IL1RAPL1: variants seen among roughly 807,000 people sequenced by gnomAD.
IL1RAPL1 encodes interleukin-1 receptor accessory protein-like 1.
In IL1RAPL1, 3 loss-of-function variants were observed where a neutral mutation model predicts 48.4. The observed-to-expected ratio is 0.06, with a 90% CI of 0.03 to 0.16. The LOEUF (loss-of-function observed/expected upper bound fraction) is 0.16, where lower values mean the gene tolerates loss of function less well. IL1RAPL1 is among the 10% of genes least tolerant of loss of function. IL1RAPL1 has a pLI of 1.00. For synonymous variants in IL1RAPL1, 185 were observed against 187.7 expected, an observed-to-expected ratio of 0.99 and a Z score of 0.12; for missense variants, 349 against 530.6, an observed-to-expected ratio of 0.66 and a Z score of 3.36.
intron 1 of IL1RAPL1, among the ~76,000 whole-genome samples, chrX:28,649,390 C>T (rs552372768): frequency 3.6e-5 from 4 of 111,808 alleles, no homozygotes; most frequent in South Asian, 3.7e-4. Context: ...GTCCAGAAAA[C>T]GAGAACAAAA....
intron 6 of IL1RAPL1, among the ~76,000 whole-genome samples, chrX:29,708,009 A>G (rs952552939): frequency 9.0e-6 from 1 of 111,276 alleles, no homozygotes; most frequent in Admixed American, 9.6e-5. Flanking sequence ...TTTCCCAGTT[A>G]CAAATATACT....
intron 2 of IL1RAPL1, among the ~76,000 whole-genome samples, chrX:29,203,424 A>G (rs1930596209): frequency 9.0e-6 from 1 of 110,741 alleles, no homozygotes; most frequent in Non-Finnish European, 1.9e-5. Flanking sequence ...AATTCTTTCA[A>G]GCTGTTTTGA....
intron 2 of IL1RAPL1, among the ~76,000 whole-genome samples, chrX:28,882,110 C>A (rs1922515884): frequency 9.1e-6 from 1 of 109,827 alleles, no homozygotes; most frequent in African/African-American, 3.3e-5. Context: ...AAGTCAGGTA[C>A]AAAGAGAGAA....
intron 1 of IL1RAPL1, among the ~76,000 whole-genome samples, chrX:28,636,300 A>G (rs758609944): frequency 5.4e-4 from 60 of 112,039 alleles, no homozygotes; most frequent in African/African-American, 1.8e-3. Context: ...GCCTACTATA[A>G]TTCCAGGCAG....
chrX:29,322,354 C>T (rs1253032607), intron 3 of IL1RAPL1, among the ~76,000 whole-genome samples: 4 of 109,966 alleles, frequency 3.6e-5, no homozygotes, highest in African/African-American at 1.3e-4. Context: ...GCAACCTCTG[C>T]CTCCTGGGTT....
chrX:29,820,170 A>T (rs1930581998), intron 6 of IL1RAPL1, among the ~76,000 whole-genome samples: 2 of 108,323 alleles, frequency 1.8e-5, no homozygotes. Flanking sequence ...TGCATGTATA[A>T]ATATAATATA....
intron 2 of IL1RAPL1, among the ~76,000 whole-genome samples, chrX:28,912,658 G>C: frequency 9.0e-6 from 1 of 111,010 alleles, no homozygotes; most frequent in South Asian, 3.8e-4. Context: ...GAGGAACTTT[G>C]AGATGAGGAT....
At chrX:29,678,342 CTTTTTTTTTTTTTTTT>C (rs140827802) in intron 6 of IL1RAPL1, among the ~76,000 whole-genome samples, 2 of 41,728 alleles carry the variant, frequency 4.8e-5, no homozygotes, top group Admixed American at 3.0e-4. Flanking sequence ...TTCAACACTA[CTTTTTTTTTTTTTTTT>C]TTTTTTTTTT....
intron 2 of IL1RAPL1, among the ~76,000 whole-genome samples, chrX:29,245,535 A>G (rs1208358115): frequency 1.8e-5 from 2 of 111,895 alleles, no homozygotes; most frequent in Non-Finnish European, 3.8e-5. Context: ...AGTGATGATG[A>G]GCTTTTTTTC....
intron 1 of IL1RAPL1, among the ~76,000 whole-genome samples, chrX:28,742,385 T>G (rs1400028179): frequency 1.8e-5 from 2 of 111,792 alleles, no homozygotes; most frequent in Non-Finnish European, 3.8e-5. Flanking sequence ...TTTGAGTACC[T>G]GCATATGTTA....
chrX:29,816,600 AGAATCTGGT>A (rs1432203814), intron 6 of IL1RAPL1, among the ~76,000 whole-genome samples: 1 of 111,022 alleles, frequency 9.0e-6, no homozygotes, highest in East Asian at 2.8e-4. Context: ...TTCTGACACC[AGAATCTGGT>A]GAAGACACAA....
At chrX:29,803,659 A>G (rs1423669749) in intron 6 of IL1RAPL1, among the ~76,000 whole-genome samples, 1 of 104,672 alleles carries the variant, frequency 9.6e-6, no homozygotes, top group African/African-American at 3.5e-5. Flanking sequence ...GTGTATATAT[A>G]TACACACACA....
intron 2 of IL1RAPL1, among the ~76,000 whole-genome samples, chrX:28,843,851 A>G (rs954274442): frequency 9.0e-6 from 1 of 111,254 alleles, no homozygotes; most frequent in Non-Finnish European, 1.9e-5. Flanking sequence ...TTTGTAAGGC[A>G]TGCCTTATTT....
intron 3 of IL1RAPL1, among the ~76,000 whole-genome samples, chrX:29,322,411 C>T (rs1053602820): frequency 5.6e-4 from 62 of 110,290 alleles, no homozygotes; most frequent in African/African-American, 2.0e-3. Context: ...GGATTACAGG[C>T]ATGCACCACC....
chrX:29,910,681 C>G (rs951209986), intron 6 of IL1RAPL1, among the ~76,000 whole-genome samples: 5 of 111,624 alleles, frequency 4.5e-5, no homozygotes, highest in African/African-American at 1.6e-4. Context: ...ATGATGTTGA[C>G]AATTGCATGC....
At chrX:29,609,829 A>T (rs1924034157) in intron 5 of IL1RAPL1, among the ~76,000 whole-genome samples, 1 of 112,514 alleles carries the variant, frequency 8.9e-6, no homozygotes, top group African/African-American at 3.2e-5. Flanking sequence ...TGAACAGCAT[A>T]AGAATCTGCT....
intron 2 of IL1RAPL1, among the ~76,000 whole-genome samples, chrX:28,973,649 T>A (rs1317605939): frequency 1.8e-5 from 2 of 112,021 alleles, no homozygotes; most frequent in African/African-American, 6.5e-5. Flanking sequence ...ATGATAACTC[T>A]GTGTTTGGAT....
rs368433174 is a variant in IL1RAPL1, at chrX:28,850,833, G to GTTTT, written c.82+61421_82+61424dup. Among the ~76,000 whole-genome samples the GTTTT allele has an allele frequency of 1.0e-3, 90 of 86,953 alleles. 2 individuals carry two copies. The highest frequency in any genetic ancestry group is 3.1e-3 in the African/African-American group (72 of 23,303). 75.5% of individuals were successfully genotyped at this position (86,953 alleles called of 115,157 possible). On this transcript the variant is annotated intron_variant, in intron 2 of 10. Coordinates refer to ENST00000378993, the MANE Select transcript of IL1RAPL1 (RefSeq NM_014271.4). ...AGTCCTAAACTTATATACCCCTATGGTTTTTTTTTTTTTTTTGGAAGCTGT... is the reference window on the plus strand; with the variant it reads ...AGTCCTAAACTTATATACCCCTATGGTTTTTTTTTTTTTTTTTTTTGGAAGCTGT...
chrX:29,549,521 A>G (rs1013570394), intron 5 of IL1RAPL1, among the ~76,000 whole-genome samples: 2 of 112,121 alleles, frequency 1.8e-5, no homozygotes, highest in East Asian at 5.5e-4. Flanking sequence ...TATGTATAGG[A>G]AAAACATAGT....
Sources: gnomAD v4.1 joint callset for allele counts (sites outside exome capture counted in the v4.1 genomes callset) on GRCh38, gnomAD v4.1.1 for gene constraint, MANE v1.5 for transcripts, NCBI Gene and HGNC (gene_info 2026-07-23, HGNC 2026-07-21) for gene names.